Variants in MICU1 observed in about 807,000 individuals in gnomAD.
MICU1 encodes calcium uptake protein 1, mitochondrial.
A neutral mutation model predicts 56.8 loss-of-function variants in MICU1; 45 were observed. The ratio of observed to expected loss-of-function variants is 0.79; its 90% CI spans 0.62 to 1.02. The LOEUF is 1.02. MICU1 is among the 50% of genes least tolerant of loss of function. MICU1 has a pLI of 0.00. For missense variants in MICU1, 504 were observed against 587.1 expected (o/e 0.86, Z 1.46); for synonymous variants, 186 against 195.1 (o/e 0.95, Z 0.39).
At chr10:72,444,694 C>T (rs749758539) in intron 8 of MICU1, among the ~76,000 whole-genome samples, 40 of 152,316 alleles carry the variant, frequency 2.6e-4, no homozygotes, top group Middle Eastern at 6.8e-3. Flanking sequence ...AGTGATCCAC[C>T]TAACTTGGCC....
At chr10:72,453,330 C>T (rs1838252411) in intron 8 of MICU1, among the ~76,000 whole-genome samples, 1 of 152,076 alleles carries the variant, frequency 6.6e-6, no homozygotes, top group Admixed American at 6.6e-5. Flanking sequence ...ACAGTTAGCA[C>T]AAGAATATAC....
At chr10:72,455,476 T>C (rs925542004) in intron 8 of MICU1, among the ~76,000 whole-genome samples, 5 of 152,128 alleles carry the variant, frequency 3.3e-5, no homozygotes, top group African/African-American at 1.2e-4. Flanking sequence ...TTATCATGTG[T>C]TCTATGTATC....
chr10:72,596,425 G>C (rs574858549), intron 1 of MICU1, among the ~76,000 whole-genome samples: 5 of 151,914 alleles, frequency 3.3e-5, no homozygotes, highest in Admixed American at 6.6e-5. Context: ...GTGACAGAGA[G>C]ACCCTGTCTC....
chr10:72,549,008 A>T (rs1839963818), intron 4 of MICU1, among the ~76,000 whole-genome samples: 1 of 152,100 alleles, frequency 6.6e-6, no homozygotes, highest in African/African-American at 2.4e-5. Context: ...ACAACCAAAA[A>T]TTTTAAATAG....
chr10:72,578,104 C>T (rs1234166734), intron 1 of MICU1, among the ~76,000 whole-genome samples: 1 of 152,056 alleles, frequency 6.6e-6, no homozygotes, highest in Non-Finnish European at 1.5e-5. Context: ...ATGCTGCAAA[C>T]GTCATTGTTG....
chr10:72,414,954 C>T (rs1863935196), intron 9 of MICU1, among the ~76,000 whole-genome samples: 1 of 151,850 alleles, frequency 6.6e-6, no homozygotes. Flanking sequence ...TTCTTCCTTC[C>T]TTATATCCCA....
chr10:72,523,913 A>T (rs1867895046), intron 5 of MICU1: 5 of 1,493,814 alleles, frequency 3.3e-6, no homozygotes. Context: ...TGATTAGCTC[A>T]GAAAAGCAAA....
At chr10:72,446,639 A>G (rs1292777461) in intron 8 of MICU1, among the ~76,000 whole-genome samples, 1 of 152,166 alleles carries the variant, frequency 6.6e-6, no homozygotes. Flanking sequence ...CTAATGGAGT[A>G]TTTTAATAGA....
In MICU1 at chr10:72,531,467, C is replaced by T. The variant is rs539704744; in HGVS notation, c.537+2279G>A. On this transcript the variant is annotated intron_variant, in intron 5 of 11. Transcript: ENST00000361114. ...AATGATGGTGGCTCATACCTGTAAT[C>T]CCAGCACTTTGCGAAGCCAAGGCGG... 6.6e-5 allele frequency: 10 copies of T among 152,182 alleles called. No homozygotes were observed. The South Asian group carries it at 2.1e-3, about 32-fold the overall frequency. The allele number at this position is 152,182 out of a possible 1,614,324, so 9.4% of individuals were successfully genotyped here.
intron 1 of MICU1, among the ~76,000 whole-genome samples, chr10:72,598,257 T>A (rs911252378): frequency 1.3e-5 from 2 of 151,990 alleles, no homozygotes; most frequent in African/African-American, 4.8e-5. Flanking sequence ...TTTCAAAATA[T>A]ATTCTTTTTT....
In MICU1 at chr10:72,368,368, G is replaced by A. The variant is rs902140173; in HGVS notation, c.1271-13C>T. On this transcript the variant is annotated splice_polypyrimidine_tract_variant and intron_variant, in intron 11 of 11. Coordinates refer to ENST00000361114, the MANE Select transcript of MICU1 (RefSeq NM_001195518.2). ...AGTTCGCCATTGCCTAGAGGAAGAG[G>A]CAAAAACAACAGGGATAAGTGTTGG... 4 of 1,609,576 alleles carry A rather than the reference G, an allele frequency of 2.5e-6. No homozygotes were observed. The African/African-American group carries it at 5.3e-5, about 22-fold the overall frequency.
intron 9 of MICU1, among the ~76,000 whole-genome samples, chr10:72,418,387 T>C (rs190584560): frequency 1.3e-5 from 2 of 152,140 alleles, no homozygotes; most frequent in Non-Finnish European, 2.9e-5. Context: ...GATCCTATAG[T>C]AGAGAAGCAC....
chr10:72,622,290 G>A (rs1842124308), intron 1 of MICU1, among the ~76,000 whole-genome samples: 1 of 149,676 alleles, frequency 6.7e-6, no homozygotes, highest in African/African-American at 2.5e-5. Context: ...TGTTGTTTTT[G>A]CCTGTCCAGC....
intron 8 of MICU1, among the ~76,000 whole-genome samples, chr10:72,468,715 T>C (rs1341572400): frequency 6.6e-6 from 1 of 152,152 alleles, no homozygotes; most frequent in Non-Finnish European, 1.5e-5. Context: ...ATGGCTAGTT[T>C]AGGTAGTATC....
intron 8 of MICU1, among the ~76,000 whole-genome samples, chr10:72,471,401 G>A (rs1865947589): frequency 6.6e-6 from 1 of 152,028 alleles, no homozygotes; most frequent in South Asian, 2.1e-4. Flanking sequence ...CAGTATGTTA[G>A]TGGGCTTTCA....
chr10:72,477,463 C>G (rs773511354), intron 6 of MICU1: 244 of 1,503,698 alleles, frequency 1.6e-4, no homozygotes, highest in Non-Finnish European at 2.0e-4. Flanking sequence ...AAGAGTAGTA[C>G]TACGGCCAGT....
intron 6 of MICU1, among the ~76,000 whole-genome samples, chr10:72,505,917 A>G (rs1008354943): frequency 6.6e-6 from 1 of 152,006 alleles, no homozygotes; most frequent in African/African-American, 2.4e-5. Context: ...GCATCACCCA[A>G]TATCATATAA....
intron 1 of MICU1, among the ~76,000 whole-genome samples, chr10:72,596,354 C>T (rs1364031898): frequency 6.6e-6 from 1 of 151,576 alleles, no homozygotes; most frequent in Non-Finnish European, 1.5e-5. Flanking sequence ...AGGAGGATTG[C>T]TTGAGCCCGG....
At chr10:72,473,396 C>T (rs1283175200) in intron 8 of MICU1, 2 of 152,118 alleles carry the variant, frequency 1.3e-5, no homozygotes, top group African/African-American at 4.8e-5. Flanking sequence ...TTTTGCACTG[C>T]ATTGTTTATC....
Sources: allele counts gnomAD v4.1 joint callset (sites outside exome capture counted in the v4.1 genomes callset), GRCh38; gene constraint gnomAD v4.1.1; transcripts MANE v1.5; gene names NCBI Gene and HGNC (gene_info 2026-07-23, HGNC 2026-07-21).